The following CFTR variants were observed in gnomAD, a reference collection of about 807,000 sequenced individuals.
CFTR encodes CF transmembrane conductance regulator, also known as cystic fibrosis transmembrane conductance regulator.
Under a neutral mutation model 171.6 loss-of-function variants are expected in CFTR, and 181 were observed. The observed-to-expected ratio is 1.05, with a 90% CI of 0.93 to 1.19. The LOEUF (loss-of-function observed/expected upper bound fraction) is 1.19, where lower values mean the gene tolerates loss of function less well. Ranked by LOEUF, CFTR falls within the 50% of genes most tolerant of loss-of-function variation. The probability of loss-of-function intolerance (pLI) is 0.00; values close to 1 mark genes in which losing one functional copy is unlikely to be tolerated. For missense variants in CFTR, 1,968 were observed against 1,734.7 expected, an observed-to-expected ratio of 1.13 and a Z score of -2.39; for synonymous variants, 583 against 608.0, an observed-to-expected ratio of 0.96 and a Z score of 0.60.
intron 1 of CFTR, among the ~76,000 whole-genome samples, chr7:117,495,584 G>C (rs961545767): frequency 6.6e-6 from 1 of 152,082 alleles, no homozygotes; most frequent in African/African-American, 2.4e-5. Context: ...AGTTGTCCCA[G>C]AAGTTAAGTT....
At chr7:117,559,355 G>T in intron 10 of CFTR, 109 bp from the exon 11 acceptor site, 1 of 787,608 alleles carries the variant, frequency 1.3e-6, no homozygotes, top group African/African-American at 1.7e-5. Flanking sequence ...TGAGTTAATA[G>T]AATCTTTACA....
chr7:117,638,682 G>A (rs949930203), intron 22 of CFTR, among the ~76,000 whole-genome samples: 1 of 151,600 alleles, frequency 6.6e-6, no homozygotes, highest in Non-Finnish European at 1.5e-5. Context: ...GTTGCAGTGA[G>A]CTGAGATCGC....
chr7:117,545,361 T>C (rs1799122989), intron 9 of CFTR, among the ~76,000 whole-genome samples: 1 of 152,126 alleles, frequency 6.6e-6, no homozygotes, highest in Non-Finnish European at 1.5e-5. Context: ...CATATCAGCC[T>C]CCTTCTGGCT....
At chr7:117,512,293 C>A (rs1229430108) in intron 3 of CFTR, among the ~76,000 whole-genome samples, 1 of 152,198 alleles carries the variant, frequency 6.6e-6, no homozygotes, top group Non-Finnish European at 1.5e-5. Context: ...CTTCATCTGA[C>A]TCAGCAGCCA....
intron 11 of CFTR, among the ~76,000 whole-genome samples, chr7:117,568,881 T>C (rs914389754): frequency 1.3e-4 from 20 of 152,210 alleles, no homozygotes; most frequent in Non-Finnish European, 2.9e-4. Context: ...CTTTGTACTC[T>C]TTGACCAACA....
chr7:117,653,781 C>G (rs1472159667), intron 24 of CFTR, among the ~76,000 whole-genome samples: 7 of 152,154 alleles, frequency 4.6e-5, no homozygotes. Flanking sequence ...AAGGTTTCAT[C>G]TAAATATCAG....
chr7:117,516,074 A>T (rs1328289531), intron 3 of CFTR, among the ~76,000 whole-genome samples: 1 of 152,208 alleles, frequency 6.6e-6, no homozygotes, highest in Non-Finnish European at 1.5e-5. Context: ...TGGATATGAG[A>T]CGATGAGATA....
chr7:117,498,516 T>C (rs1798273212), intron 1 of CFTR, among the ~76,000 whole-genome samples: 1 of 152,214 alleles, frequency 6.6e-6, no homozygotes, highest in South Asian at 2.1e-4. Flanking sequence ...GAGAGCTGGA[T>C]AGTATCACTT....
intron 21 of CFTR, among the ~76,000 whole-genome samples, chr7:117,621,003 G>A (rs1379823854): frequency 6.6e-6 from 1 of 152,178 alleles, no homozygotes; most frequent in African/African-American, 2.4e-5. Context: ...TGGGGAGGCT[G>A]AGGCAGGAGA....
chr7:117,530,526 A>G (rs1159833902), intron 3 of CFTR, among the ~76,000 whole-genome samples: 1 of 152,020 alleles, frequency 6.6e-6, no homozygotes, highest in East Asian at 1.9e-4. Flanking sequence ...AAAAAAGCCT[A>G]CTCTGATACT....
At chr7:117,512,476 A>G (rs952675084) in intron 3 of CFTR, among the ~76,000 whole-genome samples, 1 of 151,892 alleles carries the variant, frequency 6.6e-6, no homozygotes, top group African/African-American at 2.4e-5. Context: ...AAGTACAAAA[A>G]TCAGCCAGGT....
chr7:117,612,006 G>GATATATATATATATGTGTATATATATAT (rs2093074247), intron 20 of CFTR, among the ~76,000 whole-genome samples, 198 bp downstream of exon 20: 1 of 76,796 alleles, frequency 1.3e-5, no homozygotes, highest in Non-Finnish European at 2.6e-5. Flanking sequence ...CTTGAAATCG[G>GATATATATATATATGTGTATATATATAT]ATATATATAT....
chr7:117,598,319 C>T (rs1002682641), intron 15 of CFTR, among the ~76,000 whole-genome samples: 1 of 152,292 alleles, frequency 6.6e-6, no homozygotes, highest in South Asian at 2.1e-4. Flanking sequence ...TAAATCTAAA[C>T]TCAAGTCCCA....
At chr7:117,533,549 T>C (rs1798897465) in intron 4 of CFTR, among the ~76,000 whole-genome samples, 1 of 152,124 alleles carries the variant, frequency 6.6e-6, no homozygotes, top group Admixed American at 6.5e-5. Flanking sequence ...AACAAATATG[T>C]GAGGGATTCA....
chr7:117,635,995 G>A lies in CFTR; in HGVS notation c.3718-6443G>A, dbSNP rs147558885. Among the ~76,000 whole-genome samples, 1,486 of 152,080 alleles carry A rather than the reference G, an allele frequency of 9.8e-3. 29 individuals carry two copies. Among genetic ancestry groups the A allele is most frequent in the African/African-American group, 0.032 (1,319 of 41,498 alleles). ...TTATGTAGATCCAAGTTTCTGACCT[G>A]TATAATTTTCCTTTTCTCTCTTCAG... On this transcript the variant is annotated intron_variant, in intron 22 of 26. Coordinates refer to ENST00000003084, the MANE Select transcript of CFTR (RefSeq NM_000492.4).
intron 11 of CFTR, among the ~76,000 whole-genome samples, chr7:117,584,519 C>T (rs1424901737): frequency 2.0e-5 from 3 of 152,104 alleles, no homozygotes; most frequent in African/African-American, 7.2e-5. Flanking sequence ...CTATTCTGTT[C>T]CATTGTCTAC....
rs895522825 is a variant in CFTR at position 117,480,094 on chromosome 7, C to T, written c.-1C>T. Reference sequence around the variant, plus strand: ...GCAGGGACCCCAGCGCCCGAGAGACCATGCAGAGGTCGCCTCTGGAAAAGG... The same window carrying T: ...GCAGGGACCCCAGCGCCCGAGAGACTATGCAGAGGTCGCCTCTGGAAAAGG... On this transcript the variant is annotated 5_prime_UTR_variant, in exon 1 of 27. Coordinates refer to ENST00000003084, the MANE Select transcript of CFTR (RefSeq NM_000492.4). The T allele has an allele frequency of 2.5e-6, 4 of 1,613,754 alleles. No homozygotes were observed. Among genetic ancestry groups the T allele is most frequent in the African/African-American group, 2.7e-5 (2 of 74,854 alleles).
intron 2 of CFTR, among the ~76,000 whole-genome samples, chr7:117,506,476 C>A (rs1233102489): frequency 6.6e-6 from 1 of 152,164 alleles, no homozygotes; most frequent in Admixed American, 6.5e-5. Flanking sequence ...GAACTCCTGA[C>A]CTCAAGTGAT....
intron 22 of CFTR, among the ~76,000 whole-genome samples, chr7:117,631,321 C>G (rs1460516676): frequency 1.3e-5 from 2 of 152,006 alleles, no homozygotes; most frequent in Non-Finnish European, 2.9e-5. Flanking sequence ...TGAAATAGCT[C>G]TAGAGAAATA....
Sources: gnomAD v4.1 joint callset for allele counts (sites outside exome capture counted in the v4.1 genomes callset) on GRCh38, gnomAD v4.1.1 for gene constraint, MANE v1.5 for transcripts, NCBI Gene and HGNC (gene_info 2026-07-23, HGNC 2026-07-21) for gene names.